Variants in PCDH12 observed in about 807,000 individuals in gnomAD.
The protein encoded by PCDH12 is protocadherin 12, also known as protocadherin-12.
A neutral mutation model predicts 70.9 loss-of-function variants in PCDH12; 45 were observed. That is an observed-to-expected ratio of 0.63 (90% CI 0.50 to 0.81). The LOEUF (loss-of-function observed/expected upper bound fraction) is 0.81. Ranked by LOEUF, PCDH12 falls within the 40% of genes least tolerant of loss-of-function variation. PCDH12 has a pLI of 0.00. For synonymous variants in PCDH12, 567 were observed against 626.0 expected, an observed-to-expected ratio of 0.91 and a Z score of 1.41; for missense variants, 1,370 against 1,491.7, an observed-to-expected ratio of 0.92 and a Z score of 1.34.
chr5:141,944,821 G>A lies in PCDH12; in HGVS notation c.*560C>T, dbSNP rs2126913841. The A allele has an allele frequency of 6.5e-6, 1 of 153,596 alleles. No homozygotes were observed. Among genetic ancestry groups the A allele is most frequent in the East Asian group, 1.9e-4 (1 of 5,196 alleles). The allele number at this position is 153,596 out of a possible 1,614,324, so 9.5% of individuals were successfully genotyped here. A position where few individuals can be genotyped will look rare whatever the true frequency, so the allele number is the denominator to read the frequency against. On this transcript the variant is annotated 3_prime_UTR_variant, in exon 4 of 4. Coordinates refer to ENST00000231484, the MANE Select transcript of PCDH12 (RefSeq NM_016580.4). The stretch of plus-strand genomic sequence containing the variant: ...AACAGGGGTAAGAGCACACATGTCT[G>A]CTATTTGTGTACCTGTTACTGTGTA...
chr5:141,957,450 C>A lies in PCDH12; in HGVS notation c.402G>T (p.Arg134=), dbSNP rs146721158. 30 of 1,612,174 alleles carry A rather than the reference C, an allele frequency of 1.9e-5. No individual in the cohort carries two copies. The highest frequency in any genetic ancestry group is 2.1e-5 in the Non-Finnish European group (25 of 1,179,136). The change falls in exon 1 of 4, where the codon CGG becomes CGT. Residue 134 remains arginine (R), a synonymous_variant. Transcript: ENST00000231484. The surrounding 1 kb of genome is among the most constrained non-coding windows in gnomAD (Gnocchi z 4.3). ...CCAGCTCCTGCTCGCCTTTGGGAAA[C>A]CGTGGCTGGTGGTCATTGATGTCCA... The part of the protein sequence containing the change: ...QVLDINDHQP[R]FPKGEQELEI...
chr5:141,956,465 T>C lies in PCDH12; in HGVS notation c.1387A>G (p.Ser463Gly), dbSNP rs1561536578. ...INDNAPVFEK[S>G]RYEVSTRENN... Reference sequence around the variant, plus strand: ...TCCCGCGTGGAGACTTCATACCTGCTTTTCTCAAACACAGGTGCATTGTCG... The same window carrying C: ...TCCCGCGTGGAGACTTCATACCTGCCTTTCTCAAACACAGGTGCATTGTCG... The change falls in exon 1 of 4, where the codon AGC (serine) becomes GGC (glycine). Residue 463 changes from serine (S) to glycine (G), a missense_variant. Physicochemically the swap from Ser to Gly is moderately conservative, Grantham distance 56. Coordinates refer to ENST00000231484, the MANE Select transcript of PCDH12 (RefSeq NM_016580.4). 2 of 1,614,222 alleles carry C rather than the reference T, an allele frequency of 1.2e-6. No individual in the cohort carries two copies. The highest frequency in any genetic ancestry group is 1.7e-6 in the Non-Finnish European group (2 of 1,180,024).
intron 3 of PCDH12, 198 bp downstream of exon 3, chr5:141,949,233 TA>T (rs367650436): frequency 0.11 from 66,092 of 608,286 alleles, no homozygotes; most frequent in Non-Finnish European, 0.12. Flanking sequence ...AGACCCTGTC[TA>T]AAAAAAAAAA....
In PCDH12 at chr5:141,949,468, C is replaced by T. The variant is rs1389213389; in HGVS notation, c.3094G>A (p.Glu1032Lys). The T allele has an allele frequency of 1.2e-6, 2 of 1,614,088 alleles. No homozygotes were observed. The highest frequency in any genetic ancestry group is 2.2e-5 in the East Asian group (1 of 44,872). ...EEDLSVKQLLEEELSSLLDPS... is the reference protein window; with the variant it reads ...EEDLSVKQLLKEELSSLLDPS... ...TCCAGCAGACTTGACAGCTCTTCTT[C>T]TAGCAGTTGCTTCACAGAGAGGTCC... Residue 1032 changes from glutamate to lysine, a missense_variant, in exon 3 of 4, where the codon GAA becomes AAA. Glu to Lys is a moderately conservative substitution (Grantham distance 56). Coordinates refer to ENST00000231484, the MANE Select transcript of PCDH12 (RefSeq NM_016580.4).
intron 2 of PCDH12, among the ~76,000 whole-genome samples, chr5:141,950,979 A>G (rs164514): frequency 0.24 from 36,849 of 152,108 alleles, 5,544 homozygotes; most frequent in Non-Finnish European, 0.34. Context: ...TCAAGTTTAC[A>G]TAGCTGGTTT....
chr5:141,952,431 T>C (rs1177698667), intron 1 of PCDH12: 1 of 152,100 alleles, frequency 6.6e-6, no homozygotes, highest in East Asian at 1.9e-4. Flanking sequence ...AAAGGCTCCA[T>C]AGGAGTTTGG....
In PCDH12 at chr5:141,945,690, C is replaced by A. The variant is rs375522237; in HGVS notation, c.3246G>T (p.Glu1082Asp). The change falls in exon 4 of 4, where the codon GAG (glutamate) becomes GAT (aspartate). Residue 1082 changes from glutamate to aspartate, a missense_variant. Glu to Asp is a conservative substitution (Grantham distance 45, BLOSUM62 2). Coordinates refer to ENST00000231484, the MANE Select transcript of PCDH12 (RefSeq NM_016580.4). ...NVISPDAAATEEPRTFQTFGK... is the reference protein window; with the variant it reads ...NVISPDAAATDEPRTFQTFGK... Reference sequence around the variant, plus strand: ...CGAACGTCTGGAAGGTCCTTGGCTCCTCCGTGGCTGCAGCATCCGGGGAGA... The same window carrying A: ...CGAACGTCTGGAAGGTCCTTGGCTCATCCGTGGCTGCAGCATCCGGGGAGA... 4 of 1,614,218 alleles carry A rather than the reference C, an allele frequency of 2.5e-6. No homozygotes were observed. The Admixed American group carries it at 6.7e-5, about 27-fold the overall frequency.
Position 141,956,118 on chromosome 5 carries a change from G to A in PCDH12, c.1734C>T (p.Ser578=), listed in dbSNP as rs771597135. The A allele has an allele frequency of 1.4e-5, 22 of 1,614,036 alleles. No homozygotes were observed. The highest frequency in any genetic ancestry group is 3.3e-5 in the South Asian group (3 of 91,090). ...GGCCTGTGGAGGCATTCACAAGCAC[G>A]GAGAGGCTGGCTTTTCCATCGCTGA... ...PVLSDGKASL[S]VLVNASTGHL... Residue 578 remains serine, a synonymous_variant, in exon 1 of 4, where the codon TCC becomes TCT. Coordinates refer to ENST00000231484, the MANE Select transcript of PCDH12 (RefSeq NM_016580.4).
In PCDH12 at chr5:141,957,548, C is replaced by T. The variant is rs1561537089; in HGVS notation, c.304G>A (p.Asp102Asn). Residue 102 changes from aspartate to asparagine, a missense_variant, in exon 1 of 4, where the codon GAT becomes AAT. Asp to Asn is a conservative substitution (Grantham distance 23). Coordinates refer to ENST00000231484, the MANE Select transcript of PCDH12 (RefSeq NM_016580.4). This position sits in a 1 kb window ranked among gnomAD's most constrained non-coding sequence, Gnocchi z 4.3. Reference sequence around the variant, plus strand: ...ACATCAAAGGAAACCAGGCAGGGATCCCACTGTCGGCACAGCTGCTCTCGA... The same window carrying T: ...ACATCAAAGGAAACCAGGCAGGGATTCCACTGTCGGCACAGCTGCTCTCGA... Reference protein sequence around the residue: ...LDREQLCRQWDPCLVSFDVLA... With the variant: ...LDREQLCRQWNPCLVSFDVLA... The T allele has an allele frequency of 9.9e-6, 16 of 1,614,208 alleles. No individual in the cohort carries two copies. The highest frequency in any genetic ancestry group is 1.4e-5 in the Non-Finnish European group (16 of 1,180,038).
chr5:141,955,417 A>T lies in PCDH12; in HGVS notation c.2435T>A (p.Leu812Gln), dbSNP rs1429465933. 20 of 1,613,906 alleles carry T rather than the reference A, an allele frequency of 1.2e-5. No individual in the cohort carries two copies. The South Asian group carries it at 2.0e-4, about 16-fold the overall frequency. ...AMMEAGWDPCLQAPFHLTPTL... is the reference protein window; with the variant it reads ...AMMEAGWDPCQQAPFHLTPTL... ...CGGGGTGAGGTGGAAGGGGGCCTGCAGGCAGGGGTCCCAGCCTGCTTCCAT... is the reference window on the plus strand; with the variant it reads ...CGGGGTGAGGTGGAAGGGGGCCTGCTGGCAGGGGTCCCAGCCTGCTTCCAT... The change falls in exon 1 of 4, where the codon CTG becomes CAG. Residue 812 changes from leucine (L) to glutamine (Q), a missense_variant. Leu to Gln is a moderately radical substitution (Grantham distance 113). Coordinates refer to ENST00000231484, the MANE Select transcript of PCDH12 (RefSeq NM_016580.4). The surrounding 1 kb of genome is among the most constrained non-coding windows in gnomAD (Gnocchi z 5.5).
chr5:141,951,958 A>G (rs1753092673), intron 1 of PCDH12, among the ~76,000 whole-genome samples: 1 of 152,244 alleles, frequency 6.6e-6, no homozygotes, highest in Admixed American at 6.5e-5. Flanking sequence ...TTAAAGAGTT[A>G]TGTTCCCCTT....
rs201055359 is a variant in PCDH12 at position 141,945,692 on chromosome 5, C to G, written c.3244G>C (p.Glu1082Gln). 1.5e-4 allele frequency: 237 copies of G among 1,614,168 alleles called. 5 individuals carry two copies. In the East Asian group the frequency reaches 2.0e-3, roughly 14 times the overall value. Residue 1082 changes from glutamate to glutamine, a missense_variant, in exon 4 of 4, where the codon GAG becomes CAG. Transcript: ENST00000231484. ...NVISPDAAAT[E>Q]EPRTFQTFGK... ...AACGTCTGGAAGGTCCTTGGCTCCT[C>G]CGTGGCTGCAGCATCCGGGGAGATC...
At position 141,945,668 on chromosome 5, in the gene PCDH12, A is replaced by G. The variant is rs754828876; in HGVS notation, c.3268T>C (p.Phe1090Leu). ...ATEEPRTFQT[F>L]GKAEAPELSP... Reference sequence around the variant, plus strand: ...AGCTCTGGTGCCTCTGCCTTGCCGAACGTCTGGAAGGTCCTTGGCTCCTCC... The same window carrying G: ...AGCTCTGGTGCCTCTGCCTTGCCGAGCGTCTGGAAGGTCCTTGGCTCCTCC... The change falls in exon 4 of 4, where the codon TTC becomes CTC. Residue 1090 changes from phenylalanine (F) to leucine (L), a missense_variant. Phe to Leu is a conservative substitution (Grantham distance 22). Coordinates refer to ENST00000231484, the MANE Select transcript of PCDH12 (RefSeq NM_016580.4). 3 of 1,614,198 alleles carry G rather than the reference A, an allele frequency of 1.9e-6. No individual in the cohort carries two copies. Among genetic ancestry groups the G allele is most frequent in the Non-Finnish European group, 2.5e-6 (3 of 1,180,038 alleles).
rs369088298 is a variant in PCDH12 at position 141,945,814 on chromosome 5, G to T, written c.3131-9C>A. The T allele has an allele frequency of 6.2e-7, 1 of 1,607,136 alleles. No homozygotes were observed. Among genetic ancestry groups the T allele is most frequent in the Non-Finnish European group, 8.5e-7 (1 of 1,176,800 alleles). ...CCGGTCCAGGGCCAGACCTGTGGGG[G>T]AAGGAGGGGACACAGTGAGGGCCAG... On this transcript the variant is annotated splice_polypyrimidine_tract_variant and intron_variant, in intron 3 of 3. Coordinates refer to ENST00000231484, the MANE Select transcript of PCDH12 (RefSeq NM_016580.4).
rs143217665 is a variant in PCDH12 at position 141,957,025 on chromosome 5, T to C, written c.827A>G (p.Asn276Ser). ...ACTGAGGAAGAACTCCACCTCCCCA[T>C]TGGGGCCTTGGTCAGGGTCTGTGGC... ...LTATDPDQGP[N>S]GEVEFFLSKH... Residue 276 changes from asparagine to serine, a missense_variant, in exon 1 of 4, where the codon AAT (asparagine) becomes AGT (serine). Asn to Ser is a conservative substitution (Grantham distance 46). Coordinates refer to ENST00000231484, the MANE Select transcript of PCDH12 (RefSeq NM_016580.4). This position sits in a 1 kb window ranked among gnomAD's most constrained non-coding sequence, Gnocchi z 4.3. 2.4e-4 allele frequency: 383 copies of C among 1,614,176 alleles called. No individual in the cohort carries two copies. Among genetic ancestry groups the C allele is most frequent in the Admixed American group, 3.8e-4 (23 of 60,020 alleles).
Position 141,955,316 on chromosome 5 carries a change from C to A in PCDH12, c.2536G>T (p.Val846Phe). The A allele has an allele frequency of 4.3e-6, 7 of 1,614,206 alleles. No homozygotes were observed. Among genetic ancestry groups the A allele is most frequent in the Non-Finnish European group, 5.1e-6 (6 of 1,180,032 alleles). Residue 846 changes from valine to phenylalanine, a missense_variant, in exon 1 of 4, where the codon GTC becomes TTC. By Grantham distance (50) the Val-to-Phe change is conservative. Transcript: ENST00000231484. This position sits in a 1 kb window ranked among gnomAD's most constrained non-coding sequence, Gnocchi z 5.5. ...AESREVLQDT[V>F]NLLFNHPRQR... ...CTGGGATGGTTGAAAAGGAGGTTGA[C>A]CGTGTCTTGCAGCACCTCTCGGCTC...
At chr5:141,950,269 C>G (rs972305208) in intron 2 of PCDH12, among the ~76,000 whole-genome samples, 4 of 152,152 alleles carry the variant, frequency 2.6e-5, no homozygotes, top group Non-Finnish European at 5.9e-5. Flanking sequence ...GGGGACAGGC[C>G]TGGACCCTCA....
In PCDH12 at chr5:141,956,297, C is replaced by G; in HGVS notation, c.1555G>C (p.Ala519Pro). 1 of 1,614,194 alleles carries G rather than the reference C, an allele frequency of 6.2e-7. No individual in the cohort carries two copies. Among genetic ancestry groups the G allele is most frequent in the Non-Finnish European group, 8.5e-7 (1 of 1,180,038 alleles). ...TCTTCATAGTTCAGTGACCTCTGAGCAGTGACCTCTCCTGTGTTGGAGTCA... is the reference window on the plus strand; with the variant it reads ...TCTTCATAGTTCAGTGACCTCTGAGGAGTGACCTCTCCTGTGTTGGAGTCA... ...AIDSNTGEVT[A>P]QRSLNYEEMA... Residue 519 changes from alanine to proline, a missense_variant, in exon 1 of 4, where the codon GCT becomes CCT. Transcript: ENST00000231484.
rs1289376594 is a variant in PCDH12 at position 141,955,697 on chromosome 5, C to T, written c.2155G>A (p.Val719Met). The change falls in exon 1 of 4, where the codon GTG becomes ATG. Residue 719 changes from valine (V) to methionine (M), a missense_variant. Transcript: ENST00000231484. The surrounding 1 kb of genome is among the most constrained non-coding windows in gnomAD (Gnocchi z 5.5). ...PGALSMSMLT[V>M]ICLAVLLGIF... ...CCCAACAGTACAGCCAGGCAGATCA[C>T]CGTCAGCATCGACATGCTCAAGGCC... 3 of 1,614,044 alleles carry T rather than the reference C, an allele frequency of 1.9e-6. No homozygotes were observed. The highest frequency in any genetic ancestry group is 1.3e-5 in the African/African-American group (1 of 74,908).
Sources: allele counts gnomAD v4.1 joint callset (sites outside exome capture counted in the v4.1 genomes callset), GRCh38; gene constraint gnomAD v4.1.1; non-coding constraint Gnocchi (gnomAD v3.1); transcripts MANE v1.5; gene names NCBI Gene and HGNC (gene_info 2026-07-23, HGNC 2026-07-21).